NRG3: variants seen among roughly 807,000 people sequenced by gnomAD.
NRG3 encodes pro-neuregulin-3, membrane-bound isoform.
NRG3 carries 31 observed loss-of-function variants against 66.9 expected under a neutral mutation model. That is an observed-to-expected ratio of 0.46 (90% CI 0.35 to 0.63). The LOEUF is 0.63. Among genes scored for constraint, NRG3 ranks in the 20% least tolerant of loss-of-function variants. The probability of loss-of-function intolerance (pLI) is 0.00; values close to 1 mark genes in which losing one functional copy is unlikely to be tolerated. For synonymous variants in NRG3, 393 were observed against 359.4 expected (o/e 1.09, Z -1.06); for missense variants, 910 against 878.9 (o/e 1.04, Z -0.45).
Position 82,358,860 on chromosome 10 carries a change from ACACTGTCGGTAAGC to A in NRG3, c.951_953+11del. The A allele has an allele frequency of 6.2e-7, 1 of 1,614,128 alleles. No homozygotes were observed. The highest frequency in any genetic ancestry group is 8.5e-7 in the Non-Finnish European group (1 of 1,180,010). ...TCGAAACCCTGACCGGATCCCATAAACACTGTCGGTAAGCCACTGAGGCCACTGATGGAAAGGGC... is the reference window on the plus strand; with the variant it reads ...TCGAAACCCTGACCGGATCCCATAAACACTGAGGCCACTGATGGAAAGGGC... On this transcript the variant is annotated splice_donor_variant and splice_donor_5th_base_variant and coding_sequence_variant and intron_variant, in exon 2 of 9. Coordinates refer to ENST00000372141, the MANE Select transcript of NRG3 (RefSeq NM_001010848.4). LOFTEE classifies it high-confidence loss of function.
At chr10:82,338,303 G>A (rs1433317568) in intron 1 of NRG3, among the ~76,000 whole-genome samples, 2 of 152,144 alleles carry the variant, frequency 1.3e-5, no homozygotes, top group Admixed American at 6.5e-5. Flanking sequence ...TCCATGAACC[G>A]CCCTGTGGAG....
intron 1 of NRG3, among the ~76,000 whole-genome samples, chr10:81,893,243 A>G (rs1843195432): frequency 6.6e-6 from 1 of 152,164 alleles, no homozygotes; most frequent in Non-Finnish European, 1.5e-5. Context: ...GTACTCTAAC[A>G]CAATTTTAGC....
At chr10:82,348,244 C>T (rs2083168830) in intron 1 of NRG3, among the ~76,000 whole-genome samples, 1 of 152,168 alleles carries the variant, frequency 6.6e-6, no homozygotes, top group Non-Finnish European at 1.5e-5. Context: ...CCTTCAACAG[C>T]TCTTTTAGGG....
chr10:81,923,708 T>A (rs982090486), intron 1 of NRG3, among the ~76,000 whole-genome samples: 20 of 133,760 alleles, frequency 1.5e-4, no homozygotes, highest in Non-Finnish European at 4.7e-5. Context: ...GAATGCTGTT[T>A]CTCTTAAGCC....
At chr10:82,515,616 G>C (rs1845578305) in intron 2 of NRG3, among the ~76,000 whole-genome samples, 1 of 152,216 alleles carries the variant, frequency 6.6e-6, no homozygotes, top group Non-Finnish European at 1.5e-5. Flanking sequence ...TGACACATTA[G>C]ACCTTTATTT....
intron 1 of NRG3, among the ~76,000 whole-genome samples, chr10:82,099,889 G>A (rs184633312): frequency 6.6e-6 from 1 of 151,456 alleles, no homozygotes; most frequent in East Asian, 1.9e-4. Flanking sequence ...AAGTTTGATG[G>A]GGGAGGGTTG....
At chr10:82,955,202 C>G (rs936345660) in intron 5 of NRG3, 1 of 151,830 alleles carries the variant, frequency 6.6e-6, no homozygotes, top group African/African-American at 2.4e-5. Flanking sequence ...AGGAATATTA[C>G]AGCAAATTCT....
At chr10:82,659,284 G>C (rs1480491637) in intron 2 of NRG3, among the ~76,000 whole-genome samples, 1 of 152,154 alleles carries the variant, frequency 6.6e-6, no homozygotes, top group Non-Finnish European at 1.5e-5. Context: ...TACTTGTCTG[G>C]ACTTTCTACA....
chr10:81,907,924 C>A (rs902913968), intron 1 of NRG3, among the ~76,000 whole-genome samples: 8 of 152,154 alleles, frequency 5.3e-5, no homozygotes, highest in Admixed American at 4.6e-4. Context: ...AATGAGGTGA[C>A]TCTCAAAGAA....
intron 2 of NRG3, among the ~76,000 whole-genome samples, chr10:82,398,138 T>C (rs2086835468): frequency 6.6e-6 from 1 of 151,812 alleles, no homozygotes; most frequent in Non-Finnish European, 1.5e-5. Context: ...CTCGCTGGAG[T>C]GGCCCTTGGA....
At position 82,798,380 on chromosome 10, in the gene NRG3, A is replaced by G. The variant is rs540937575; in HGVS notation, c.1027+59730A>G. Among the ~76,000 whole-genome samples, 6 of 152,306 alleles carry G rather than the reference A, an allele frequency of 3.9e-5. No individual in the cohort carries two copies. The South Asian group carries it at 1.0e-3, about 26-fold the overall frequency. On this transcript the variant is annotated intron_variant, in intron 3 of 8. Coordinates refer to ENST00000372141, the MANE Select transcript of NRG3 (RefSeq NM_001010848.4). ...TCTGGACAGAATCTTACACAAATCTATACAGCAGTCAAAGAAAGAACAATA... is the reference window on the plus strand; with the variant it reads ...TCTGGACAGAATCTTACACAAATCTGTACAGCAGTCAAAGAAAGAACAATA...
intron 2 of NRG3, among the ~76,000 whole-genome samples, chr10:82,657,792 G>A (rs879938074): frequency 6.6e-6 from 1 of 151,614 alleles, no homozygotes; most frequent in Non-Finnish European, 1.5e-5. Context: ...AATGGACAAA[G>A]ACCTTAAAGA....
In NRG3 at chr10:82,306,432, G is replaced by A. The variant is rs186034482; in HGVS notation, c.824-52307G>A. On this transcript the variant is annotated intron_variant, in intron 1 of 8. Coordinates refer to ENST00000372141, the MANE Select transcript of NRG3 (RefSeq NM_001010848.4). Reference sequence around the variant, plus strand: ...AGTCTGGCAGAATTCGGCCGAGTGCGGTGGCTCACGCCTGTAATTCCAGCA... The same window carrying A: ...AGTCTGGCAGAATTCGGCCGAGTGCAGTGGCTCACGCCTGTAATTCCAGCA... Among the ~76,000 whole-genome samples, 458 of 150,604 alleles carry A rather than the reference G, an allele frequency of 3.0e-3. 4 individuals carry two copies. Among genetic ancestry groups the A allele is most frequent in the African/African-American group, 0.01 (429 of 41,018 alleles).
intron 4 of NRG3, among the ~76,000 whole-genome samples, chr10:82,945,852 C>T (rs2132306621): frequency 6.6e-6 from 1 of 152,188 alleles, no homozygotes; most frequent in Non-Finnish European, 1.5e-5. Context: ...AAGCTGGGTA[C>T]AGAGTTTGGA....
At chr10:81,929,464 C>T (rs1847130517) in intron 1 of NRG3, among the ~76,000 whole-genome samples, 1 of 152,116 alleles carries the variant, frequency 6.6e-6, no homozygotes, top group African/African-American at 2.4e-5. Context: ...TTTCCAAATA[C>T]CCAGCGGCCG....
intron 2 of NRG3, among the ~76,000 whole-genome samples, chr10:82,483,287 G>C (rs2132167110): frequency 1.3e-5 from 2 of 152,308 alleles, no homozygotes; most frequent in South Asian, 4.1e-4. Context: ...ACAGAGTCAG[G>C]TGAGTGCAGT....
At chr10:81,979,970 C>A (rs1167393458) in intron 1 of NRG3, among the ~76,000 whole-genome samples, 1 of 152,124 alleles carries the variant, frequency 6.6e-6, no homozygotes, top group Non-Finnish European at 1.5e-5. Context: ...TAAACATAGG[C>A]CAAAGGGTTA....
At chr10:82,186,403 T>C (rs2073811621) in intron 1 of NRG3, among the ~76,000 whole-genome samples, 2 of 152,116 alleles carry the variant, frequency 1.3e-5, no homozygotes, top group African/African-American at 4.8e-5. Flanking sequence ...TCAGCAGCCA[T>C]GAGCAAGCTG....
At chr10:82,054,364 G>A (rs1395613460) in intron 1 of NRG3, among the ~76,000 whole-genome samples, 1 of 152,142 alleles carries the variant, frequency 6.6e-6, no homozygotes, top group Non-Finnish European at 1.5e-5. Context: ...TCATGGCTTA[G>A]TGGTAAGGTG....
Sources: allele counts gnomAD v4.1 joint callset (sites outside exome capture counted in the v4.1 genomes callset), GRCh38; gene constraint gnomAD v4.1.1; transcripts MANE v1.5; gene names NCBI Gene and HGNC (gene_info 2026-07-23, HGNC 2026-07-21).